Variants in NIM1K observed in about 807,000 individuals in gnomAD.
The protein encoded by NIM1K is NIM1 serine/threonine protein kinase, also known as serine/threonine-protein kinase NIM1.
A neutral mutation model predicts 37.1 loss-of-function variants in NIM1K; 35 were observed. The observed-to-expected ratio is 0.94, with a 90% CI of 0.72 to 1.25. The LOEUF is 1.25. Among genes scored for constraint, NIM1K ranks in the 50% most tolerant of loss-of-function variants. The pLI is 0.00. For synonymous variants in NIM1K, 234 were observed against 206.6 expected (o/e 1.13, Z -1.14); for missense variants, 564 against 548.0 (o/e 1.03, Z -0.29).
intron 1 of NIM1K, among the ~76,000 whole-genome samples, chr5:43,230,770 C>A (rs181656009): frequency 2.0e-5 from 3 of 152,168 alleles, no homozygotes. Flanking sequence ...CCCCCATCAC[C>A]GTCATTTTCA....
chr5:43,209,333 C>T (rs1752171072), intron 1 of NIM1K, among the ~76,000 whole-genome samples: 1 of 152,206 alleles, frequency 6.6e-6, no homozygotes, highest in African/African-American at 2.4e-5. Flanking sequence ...AGCAATGGGG[C>T]AGCTCATCAA....
intron 1 of NIM1K, among the ~76,000 whole-genome samples, chr5:43,214,884 T>G (rs1413580224): frequency 6.6e-6 from 1 of 151,754 alleles, no homozygotes; most frequent in South Asian, 2.1e-4. Context: ...GTTATTTAAC[T>G]TACACCCTCC....
chr5:43,270,635 G>C (rs1753242048), intron 2 of NIM1K, among the ~76,000 whole-genome samples: 1 of 152,202 alleles, frequency 6.6e-6, no homozygotes, highest in South Asian at 2.1e-4. Flanking sequence ...ATGTCTGCCA[G>C]GCGCTTTAAA....
chr5:43,278,004 C>CCCTTCCTTTCTTTTCCTTCCTT (rs1753377302), intron 3 of NIM1K, among the ~76,000 whole-genome samples: 1 of 149,954 alleles, frequency 6.7e-6, no homozygotes, highest in Non-Finnish European at 1.5e-5. Context: ...TTTTCTTCCT[C>CCCTTCCTTTCTTTTCCTTCCTT]CCTTCCTTTC....
Position 43,233,219 on chromosome 5 carries a change from G to A in NIM1K, c.-694-11863G>A. On this transcript the variant is annotated intron_variant, in intron 1 of 3. Coordinates refer to ENST00000326035, the MANE Select transcript of NIM1K (RefSeq NM_153361.4). ...CGAGGCGATGGTGGAGACAAGGAGAGATTGTTGCTTCTTACAGTGCGACTC... is the reference window on the plus strand; with the variant it reads ...CGAGGCGATGGTGGAGACAAGGAGAAATTGTTGCTTCTTACAGTGCGACTC... 6.6e-6 allele frequency: 6 copies of A among 903,948 alleles called. 2 individuals carry two copies. In the South Asian group the frequency reaches 9.0e-5, roughly 14 times the overall value. The allele number at this position is 903,948 out of a possible 1,614,324, so 56.0% of individuals were successfully genotyped here.
chr5:43,280,567 C>T lies in NIM1K; in HGVS notation c.1149C>T (p.Ile383=), dbSNP rs764228200. 2 of 1,614,142 alleles carry T rather than the reference C, an allele frequency of 1.2e-6. No individual in the cohort carries two copies. Among genetic ancestry groups the T allele is most frequent in the East Asian group, 2.2e-5 (1 of 44,880 alleles). Residue 383 remains isoleucine, a synonymous_variant, in exon 4 of 4, where the codon ATC becomes ATT. Transcript: ENST00000326035. ...AAGGGAGAGATGCTCGCAGCTCAAT[C>T]ACAGGGGTCTATAGAATTATTTTAC... ...NNQGRDARSS[I]TGVYRIILHR...
intron 1 of NIM1K, among the ~76,000 whole-genome samples, chr5:43,202,748 G>A (rs1752048543): frequency 6.6e-6 from 1 of 150,720 alleles, no homozygotes; most frequent in African/African-American, 2.4e-5. Flanking sequence ...AAAGGTCAGT[G>A]TGAAAACGGG....
At chr5:43,235,132 T>C (rs973586993) in intron 1 of NIM1K, among the ~76,000 whole-genome samples, 10 of 152,374 alleles carry the variant, frequency 6.6e-5, no homozygotes, top group African/African-American at 2.4e-4. Context: ...AATATAATGA[T>C]TTAAACATAT....
chr5:43,201,377 C>G (rs565976581), intron 1 of NIM1K, among the ~76,000 whole-genome samples: 1 of 149,750 alleles, frequency 6.7e-6, no homozygotes, highest in African/African-American at 2.5e-5. Flanking sequence ...CCACTGCACT[C>G]CAGCCTGGGT....
In NIM1K at chr5:43,280,744, C is replaced by T; in HGVS notation, c.*15C>T. ...CGATTTTATAAATTGCACTAGACTGCTTGTAACTAACCAAGATGATTGTTG... is the reference window on the plus strand; with the variant it reads ...CGATTTTATAAATTGCACTAGACTGTTTGTAACTAACCAAGATGATTGTTG... On this transcript the variant is annotated 3_prime_UTR_variant, in exon 4 of 4. Transcript: ENST00000326035. The T allele has an allele frequency of 1.3e-6, 2 of 1,551,894 alleles. No individual in the cohort carries two copies. Among genetic ancestry groups the T allele is most frequent in the East Asian group, 2.3e-5 (1 of 44,210 alleles).
chr5:43,278,046 G>T (rs1274624809), intron 3 of NIM1K, among the ~76,000 whole-genome samples: 72 of 123,314 alleles, frequency 5.8e-4, no homozygotes, highest in South Asian at 1.3e-3. Context: ...CTTTCTTTCT[G>T]TTTCTTTTTT....
chr5:43,253,904 G>A (rs1237592844), intron 2 of NIM1K, among the ~76,000 whole-genome samples: 1 of 151,804 alleles, frequency 6.6e-6, no homozygotes, highest in East Asian at 1.9e-4. Context: ...CTCGTGATCC[G>A]CCCGCCTCAG....
intron 1 of NIM1K, among the ~76,000 whole-genome samples, chr5:43,222,381 C>T (rs1379277169): frequency 6.6e-6 from 1 of 152,156 alleles, no homozygotes; most frequent in Non-Finnish European, 1.5e-5. Context: ...GAGAGAAAAC[C>T]TGTGGTATTC....
At chr5:43,203,201 C>G (rs527955689) in intron 1 of NIM1K, among the ~76,000 whole-genome samples, 5 of 152,110 alleles carry the variant, frequency 3.3e-5, no homozygotes, top group Admixed American at 6.6e-5. Flanking sequence ...TCTTACTGCT[C>G]TAGGATTAAA....
At chr5:43,215,848 G>A (rs149551611) in intron 1 of NIM1K, among the ~76,000 whole-genome samples, 2 of 152,212 alleles carry the variant, frequency 1.3e-5, no homozygotes, top group East Asian at 1.9e-4. Flanking sequence ...TACTTACTAC[G>A]CTCCCTTCAG....
Position 43,266,653 on chromosome 5 carries a change from G to A in NIM1K, c.293-10404G>A, listed in dbSNP as rs192226093. On this transcript the variant is annotated intron_variant, in intron 2 of 3. Coordinates refer to ENST00000326035, the MANE Select transcript of NIM1K (RefSeq NM_153361.4). ...CAACAAGCCCCAGTGCGATGAACGC[G>A]GTACCTCAGTTGGAAATGCAGAAAT... 1.9e-3 allele frequency among the ~76,000 whole-genome samples: 291 copies of A among 152,304 alleles called. 3 individuals carry two copies. The highest frequency in any genetic ancestry group is 7.7e-3 in the East Asian group (40 of 5,176).
At chr5:43,232,380 T>G in intron 1 of NIM1K, 1 of 1,388,210 alleles carries the variant, frequency 7.2e-7, no homozygotes, top group Non-Finnish European at 1.0e-6. Context: ...CGGAAGTGGA[T>G]GGGGGGATAG....
intron 1 of NIM1K, among the ~76,000 whole-genome samples, chr5:43,198,187 CTTTCTTTCTT>C (rs1189438927): frequency 1.5e-5 from 1 of 65,594 alleles, no homozygotes; most frequent in African/African-American, 6.1e-5. Flanking sequence ...TTCTTTCTTT[CTTTCTTTCTT>C]TCTTTCTTTC....
chr5:43,197,885 ATTG>A (rs1751941483), intron 1 of NIM1K, among the ~76,000 whole-genome samples: 1 of 152,220 alleles, frequency 6.6e-6, no homozygotes, highest in South Asian at 2.1e-4. Context: ...TTATATCTAC[ATTG>A]TTCCTGGGGG....
Sources: allele counts gnomAD v4.1 joint callset (sites outside exome capture counted in the v4.1 genomes callset), GRCh38; gene constraint gnomAD v4.1.1; transcripts MANE v1.5; gene names NCBI Gene and HGNC (gene_info 2026-07-23, HGNC 2026-07-21).